APOLD1: variants seen among roughly 807,000 people sequenced by gnomAD.
APOLD1 encodes apolipoprotein L domain-containing protein 1.
APOLD1 carries 22 observed loss-of-function variants against 15.3 expected under a neutral mutation model. The observed-to-expected ratio is 1.44, with a 90% CI of 1.03 to 2.05. The LOEUF is 2.05. Ranked by LOEUF, APOLD1 falls within the 30% of genes most tolerant of loss-of-function variation. The probability of loss-of-function intolerance (pLI) is 0.00; values close to 1 mark genes in which losing one functional copy is unlikely to be tolerated. For missense variants in APOLD1, 394 were observed against 353.5 expected, an observed-to-expected ratio of 1.11 and a Z score of -0.92; for synonymous variants, 190 against 167.4, an observed-to-expected ratio of 1.13 and a Z score of -1.04.
chr12:12,761,830 TAGAGAGAG>T (rs6144616), intron 1 of APOLD1, among the ~76,000 whole-genome samples: 2,033 of 114,220 alleles, frequency 0.018, 98 homozygotes, highest in East Asian at 0.075. Context: ...TGTATATGTA[TAGAGAGAG>T]AGAGAGAGAG....
chr12:12,757,983 A>G (rs1005974309), intron 1 of APOLD1, among the ~76,000 whole-genome samples: 1 of 133,150 alleles, frequency 7.5e-6, no homozygotes, highest in Admixed American at 9.0e-5. Flanking sequence ...CTCTGTCGCC[A>G]GGTGCGATCT....
At chr12:12,745,825 T>C (rs1372070756) in intron 1 of APOLD1, among the ~76,000 whole-genome samples, 1 of 152,104 alleles carries the variant, frequency 6.6e-6, no homozygotes, top group Non-Finnish European at 1.5e-5. Flanking sequence ...CCAAGTGGTC[T>C]TGCCTACAGC....
chr12:12,743,162 T>C (rs1946740883), intron 1 of APOLD1, among the ~76,000 whole-genome samples: 1 of 152,240 alleles, frequency 6.6e-6, no homozygotes, highest in African/African-American at 2.4e-5. Flanking sequence ...TGTAGGTAGA[T>C]AAGAGCCAAG....
At chr12:12,755,703 G>A (rs1437330961) in intron 1 of APOLD1, among the ~76,000 whole-genome samples, 3 of 152,156 alleles carry the variant, frequency 2.0e-5, no homozygotes, top group Non-Finnish European at 2.9e-5. Context: ...TTAGCTGGAC[G>A]TGGTGGCACA....
At chr12:12,767,911 G>A (rs911151610) in intron 1 of APOLD1, among the ~76,000 whole-genome samples, 4 of 151,408 alleles carry the variant, frequency 2.6e-5, no homozygotes, top group Admixed American at 6.6e-5. Context: ...TCAGCCTCCC[G>A]AGTAGCTGGG....
chr12:12,748,226 C>A (rs148883119), intron 1 of APOLD1, among the ~76,000 whole-genome samples: 1 of 152,158 alleles, frequency 6.6e-6, no homozygotes, highest in Non-Finnish European at 1.5e-5. Flanking sequence ...CTATGGACCA[C>A]GGAGCATTAG....
intron 1 of APOLD1, among the ~76,000 whole-genome samples, chr12:12,733,905 G>A (rs971942558): frequency 6.4e-4 from 98 of 152,244 alleles, no homozygotes; most frequent in African/African-American, 2.3e-3. Context: ...CGCCCAGCCG[G>A]TATTTCAAAT....
At chr12:12,778,147 G>T (rs1947052197) in intron 1 of APOLD1, among the ~76,000 whole-genome samples, 1 of 151,636 alleles carries the variant, frequency 6.6e-6, no homozygotes, top group Non-Finnish European at 1.5e-5. Flanking sequence ...TCCCCAGGCT[G>T]GTCTTAAACT....
At position 12,751,349 on chromosome 12, in the gene APOLD1, A is replaced by T. The variant is rs139548105; in HGVS notation, c.96+25253A>T. On this transcript the variant is annotated intron_variant, in intron 1 of 1. Coordinates refer to the APOLD1 transcript ENST00000326765. The stretch of plus-strand genomic sequence containing the variant: ...AAACATCGAGAGAATATTAGTGGGA[A>T]ATGATTCTTTTTTGTTTTGAGACAG... Among the ~76,000 whole-genome samples the T allele has an allele frequency of 8.3e-3, 1,263 of 151,962 alleles. 3 individuals are homozygous for T. The highest frequency in any genetic ancestry group is 0.012 in the Non-Finnish European group (826 of 67,958).
chr12:12,753,148 A>G (rs1304731480), intron 1 of APOLD1, among the ~76,000 whole-genome samples: 1 of 152,244 alleles, frequency 6.6e-6, no homozygotes, highest in Non-Finnish European at 1.5e-5. Context: ...AAGATGAGTG[A>G]CAAATCAAGA....
At chr12:12,745,145 G>A (rs547132274) in intron 1 of APOLD1, among the ~76,000 whole-genome samples, 121 of 152,316 alleles carry the variant, frequency 7.9e-4, no homozygotes, top group African/African-American at 2.8e-3. Context: ...GTTGAATTAA[G>A]CAGGGTGATT....
At position 12,736,291 on chromosome 12, in the gene APOLD1, C is replaced by T. The variant is rs151102367; in HGVS notation, c.96+10195C>T. Among the ~76,000 whole-genome samples the T allele has an allele frequency of 2.6e-3, 392 of 152,086 alleles. 2 individuals carry two copies. Among genetic ancestry groups the T allele is most frequent in the African/African-American group, 8.9e-3 (367 of 41,460 alleles). On this transcript the variant is annotated intron_variant, in intron 1 of 1. Transcript: ENST00000326765. ...GCTTGAACCCAGGAGGAGGAGGTTGCGGTGAGCCAAGATCACGCCACTGCA... is the reference window on the plus strand; with the variant it reads ...GCTTGAACCCAGGAGGAGGAGGTTGTGGTGAGCCAAGATCACGCCACTGCA...
At chr12:12,785,513 T>G (rs1565438723), upstream of APOLD1, 1 of 983,700 alleles carries the variant, frequency 1.0e-6, no homozygotes. Context: ...TGCTGGCAGG[T>G]CATTTTCCAC....
chr12:12,747,907 C>T (rs1342001328), intron 1 of APOLD1, among the ~76,000 whole-genome samples: 1 of 151,950 alleles, frequency 6.6e-6, no homozygotes, highest in East Asian at 1.9e-4. Flanking sequence ...TTAATCTTGG[C>T]AGTTTGTATA....
chr12:12,739,319 G>C (rs1490811246), intron 1 of APOLD1, among the ~76,000 whole-genome samples: 1 of 152,246 alleles, frequency 6.6e-6, no homozygotes, highest in Non-Finnish European at 1.5e-5. Flanking sequence ...GGGAGATCGA[G>C]AAGATGAGTG....
intron 1 of APOLD1, among the ~76,000 whole-genome samples, chr12:12,785,983 A>G (rs1947120980): frequency 6.6e-6 from 1 of 152,172 alleles, no homozygotes; most frequent in Admixed American, 6.5e-5. Context: ...AGAAGTTCCT[A>G]ATAATGAAGA....
upstream of APOLD1, among the ~76,000 whole-genome samples, chr12:12,782,818 A>AT (rs996499593): frequency 2.0e-4 from 31 of 152,034 alleles, no homozygotes; most frequent in African/African-American, 5.3e-4. Flanking sequence ...TGGTCCACAG[A>AT]TTTTTTTTTG....
At chr12:12,786,204 T>C (rs1947122595) in intron 1 of APOLD1, among the ~76,000 whole-genome samples, 1 of 152,198 alleles carries the variant, frequency 6.6e-6, no homozygotes, top group Non-Finnish European at 1.5e-5. Flanking sequence ...ATGGTATTAA[T>C]TTAATGTGAC....
intron 1 of APOLD1, among the ~76,000 whole-genome samples, chr12:12,773,237 C>G (rs185244595): frequency 6.6e-6 from 1 of 152,230 alleles, no homozygotes; most frequent in Admixed American, 6.5e-5. Context: ...CCTTAGGAAT[C>G]TAGAAAAAGA....
Sources: allele counts gnomAD v4.1 joint callset (sites outside exome capture counted in the v4.1 genomes callset), GRCh38; gene constraint gnomAD v4.1.1; transcripts MANE v1.5; gene names NCBI Gene and HGNC (gene_info 2026-07-23, HGNC 2026-07-21).